Variants in NCAM2 observed in about 807,000 individuals in gnomAD.
NCAM2 encodes the protein N-CAM-2.
Under a neutral mutation model 98.1 loss-of-function variants are expected in NCAM2, and 30 were observed. The observed-to-expected ratio is 0.31, with a 90% CI of 0.23 to 0.41. The LOEUF (loss-of-function observed/expected upper bound fraction) is 0.41, where lower values mean the gene tolerates loss of function less well. Among genes scored for constraint, NCAM2 ranks in the 10% least tolerant of loss-of-function variants. NCAM2 has a pLI of 1.00. For synonymous variants in NCAM2, 368 were observed against 342.4 expected (o/e 1.07, Z -0.83); for missense variants, 867 against 1,005.8 (o/e 0.86, Z 1.87).
At chr21:21,288,693 C>G (rs1199295253) in intron 4 of NCAM2, among the ~76,000 whole-genome samples, 1 of 151,532 alleles carries the variant, frequency 6.6e-6, no homozygotes, top group Non-Finnish European at 1.5e-5. Context: ...CTGCTTATAC[C>G]TCATATAGTC....
chr21:21,106,069 A>G (rs2066338870), intron 1 of NCAM2, among the ~76,000 whole-genome samples: 1 of 152,036 alleles, frequency 6.6e-6, no homozygotes, highest in Non-Finnish European at 1.5e-5. Flanking sequence ...GGCAGTATTT[A>G]CCAAAAAAAG....
chr21:21,223,848 GC>G (rs2070271175), intron 1 of NCAM2: 1 of 152,110 alleles, frequency 6.6e-6, no homozygotes, highest in Non-Finnish European at 1.5e-5. Flanking sequence ...AAAATGACAT[GC>G]CTAAGACGAA....
At chr21:21,200,046 A>G (rs2069153257) in intron 1 of NCAM2, among the ~76,000 whole-genome samples, 1 of 152,118 alleles carries the variant, frequency 6.6e-6, no homozygotes, top group Non-Finnish European at 1.5e-5. Context: ...AGGGATTCCA[A>G]GAAAGAAAAT....
intron 1 of NCAM2, among the ~76,000 whole-genome samples, chr21:21,049,279 A>C (rs1163756947): frequency 2.0e-5 from 3 of 151,984 alleles, no homozygotes; most frequent in Non-Finnish European, 2.9e-5. Context: ...TCGGCCTCGC[A>C]TATTTCCTTT....
In NCAM2 at chr21:21,247,707, G is replaced by A. The variant is rs1415214635; in HGVS notation, c.56-32871G>A. ...TATTACGTTTAAAGGTATGAAGAAT[G>A]CACACTTGTTTCTACTCACATCTGC... On this transcript the variant is annotated intron_variant, in intron 1 of 17. Coordinates refer to ENST00000400546, the MANE Select transcript of NCAM2 (RefSeq NM_004540.5). Among the ~76,000 whole-genome samples, 38 of 152,122 alleles carry A rather than the reference G, an allele frequency of 2.5e-4. 1 individual carries two copies.
intron 1 of NCAM2, among the ~76,000 whole-genome samples, chr21:21,149,228 T>C (rs1413860134): frequency 6.6e-6 from 1 of 152,206 alleles, no homozygotes; most frequent in Non-Finnish European, 1.5e-5. Flanking sequence ...TAAAACCTTC[T>C]TGGCAATTTT....
intron 1 of NCAM2, among the ~76,000 whole-genome samples, chr21:21,062,384 AC>A (rs1438525667): frequency 1.3e-5 from 2 of 152,096 alleles, no homozygotes; most frequent in Non-Finnish European, 2.9e-5. Flanking sequence ...AATTCCAATC[AC>A]AGTAATACAA....
At chr21:21,314,078 G>A (rs2074141535) in intron 5 of NCAM2, among the ~76,000 whole-genome samples, 1 of 152,036 alleles carries the variant, frequency 6.6e-6, no homozygotes, top group Admixed American at 6.6e-5. Flanking sequence ...CTTAAAAAGT[G>A]AATAGTGTGA....
At chr21:21,497,551 C>G (rs1987330864) in intron 15 of NCAM2, among the ~76,000 whole-genome samples, 1 of 151,954 alleles carries the variant, frequency 6.6e-6, no homozygotes, top group Admixed American at 6.6e-5. Context: ...GATAAGCTTC[C>G]TAGGATTTTG....
At chr21:21,202,296 T>C (rs1003932592) in intron 1 of NCAM2, among the ~76,000 whole-genome samples, 1 of 151,776 alleles carries the variant, frequency 6.6e-6, no homozygotes. Flanking sequence ...GGCCAAGAAA[T>C]GTAAAGCACC....
At chr21:21,197,862 A>G (rs2069060518) in intron 1 of NCAM2, among the ~76,000 whole-genome samples, 1 of 152,178 alleles carries the variant, frequency 6.6e-6, no homozygotes, top group Non-Finnish European at 1.5e-5. Flanking sequence ...ACATGGAGCC[A>G]AAATATCATT....
intron 1 of NCAM2, among the ~76,000 whole-genome samples, chr21:21,017,929 G>A (rs1457274133): frequency 1.3e-5 from 2 of 151,924 alleles, no homozygotes; most frequent in African/African-American, 4.8e-5. Flanking sequence ...CAGAAGCTTG[G>A]GGAAACCATT....
chr21:21,366,178 A>G (rs1403713256), intron 8 of NCAM2, among the ~76,000 whole-genome samples: 1 of 152,048 alleles, frequency 6.6e-6, no homozygotes, highest in Admixed American at 6.6e-5. Context: ...GATTTACGTA[A>G]AAACATACTA....
At chr21:21,305,894 C>A (rs780283311) in intron 5 of NCAM2, among the ~76,000 whole-genome samples, 2 of 151,922 alleles carry the variant, frequency 1.3e-5, no homozygotes, top group Non-Finnish European at 2.9e-5. Context: ...TGAATAATTC[C>A]CTATATGTCT....
intron 1 of NCAM2, among the ~76,000 whole-genome samples, chr21:21,172,622 A>C (rs1040319743): frequency 6.6e-6 from 1 of 152,144 alleles, no homozygotes; most frequent in African/African-American, 2.4e-5. Flanking sequence ...TTGGTTTAAA[A>C]GTATTTCAGC....
chr21:21,235,338 G>A (rs1320848123), intron 1 of NCAM2, among the ~76,000 whole-genome samples: 1 of 151,730 alleles, frequency 6.6e-6, no homozygotes, highest in African/African-American at 2.4e-5. Flanking sequence ...AATTTTGCAG[G>A]GAAATTTAAG....
intron 15 of NCAM2, among the ~76,000 whole-genome samples, chr21:21,483,881 T>G (rs1257656308): frequency 6.6e-6 from 1 of 152,174 alleles, no homozygotes; most frequent in Non-Finnish European, 1.5e-5. Flanking sequence ...GCTTCTATGC[T>G]TATTGCAAAT....
intron 16 of NCAM2, among the ~76,000 whole-genome samples, chr21:21,522,043 T>C (rs774625860): frequency 1.2e-4 from 18 of 148,358 alleles, no homozygotes; most frequent in Non-Finnish European, 2.4e-4. Context: ...ATTATTCATA[T>C]TCATATATAT....
At chr21:21,060,055 A>G (rs1159740176) in intron 1 of NCAM2, among the ~76,000 whole-genome samples, 1 of 152,092 alleles carries the variant, frequency 6.6e-6, no homozygotes, top group Non-Finnish European at 1.5e-5. Context: ...CACATGTCTG[A>G]ACTAATCTGA....
Sources: allele counts gnomAD v4.1 joint callset (sites outside exome capture counted in the v4.1 genomes callset), GRCh38; gene constraint gnomAD v4.1.1; transcripts MANE v1.5; gene names NCBI Gene and HGNC (gene_info 2026-07-23, HGNC 2026-07-21).